The following GOLPH3L variants were observed in gnomAD, a reference collection of about 807,000 sequenced individuals.
GOLPH3L encodes the protein Golgi phosphoprotein 3-like.
A neutral mutation model predicts 30.3 loss-of-function variants in GOLPH3L; 22 were observed. The observed-to-expected ratio is 0.73, with a 90% confidence interval of 0.52 to 1.04. The LOEUF (loss-of-function observed/expected upper bound fraction) is 1.04, where lower values mean the gene tolerates loss of function less well. GOLPH3L is among the 50% of genes least tolerant of loss of function. The pLI is 0.00. For missense variants in GOLPH3L, 303 were observed against 345.8 expected (o/e 0.88, Z 0.98); for synonymous variants, 120 against 128.2 (o/e 0.94, Z 0.43).
chr1:150,649,116 A>T (rs1650048500), intron 4 of GOLPH3L, among the ~76,000 whole-genome samples: 1 of 152,210 alleles, frequency 6.6e-6, no homozygotes, highest in Non-Finnish European at 1.5e-5. Context: ...AGCTAAGAGG[A>T]CTGAGGTTCC....
intron 4 of GOLPH3L, among the ~76,000 whole-genome samples, chr1:150,652,412 TA>T (rs1299410532): frequency 7.0e-5 from 5 of 71,290 alleles, no homozygotes; most frequent in East Asian, 4.3e-4. Flanking sequence ...AAAAAAACCC[TA>T]AAAAAAACAA....
At chr1:150,683,669 C>A (rs113184416) in intron 2 of GOLPH3L, among the ~76,000 whole-genome samples, 1 of 120,222 alleles carries the variant, frequency 8.3e-6, no homozygotes, top group African/African-American at 3.2e-5. Flanking sequence ...TGCTGCACTC[C>A]AGCTTGGGTG....
chr1:150,664,732 G>A (rs1046951511), intron 2 of GOLPH3L, among the ~76,000 whole-genome samples: 1 of 152,160 alleles, frequency 6.6e-6, no homozygotes, highest in African/African-American at 2.4e-5. Flanking sequence ...GAATACAGGA[G>A]TGAGCCACCG....
chr1:150,691,841 A>G (rs1462437144), intron 2 of GOLPH3L, among the ~76,000 whole-genome samples: 1 of 151,814 alleles, frequency 6.6e-6, no homozygotes, highest in African/African-American at 2.4e-5. Context: ...CATGTTGTAT[A>G]ACAATGTTCA....
intron 2 of GOLPH3L, among the ~76,000 whole-genome samples, chr1:150,680,440 A>G (rs1357323653): frequency 6.6e-6 from 1 of 152,196 alleles, no homozygotes; most frequent in Admixed American, 6.6e-5. Flanking sequence ...AATAGTGAAC[A>G]ATCGTATTTA....
intron 4 of GOLPH3L, among the ~76,000 whole-genome samples, chr1:150,651,397 C>T (rs920922887): frequency 1.3e-5 from 2 of 152,088 alleles, no homozygotes; most frequent in Non-Finnish European, 2.9e-5. Flanking sequence ...CGTCTGTAAT[C>T]CCAGCACTTT....
intron 4 of GOLPH3L, among the ~76,000 whole-genome samples, chr1:150,651,967 T>C (rs1353292613): frequency 2.6e-5 from 4 of 152,096 alleles, no homozygotes; most frequent in Non-Finnish European, 4.4e-5. Flanking sequence ...TTGGAGAAGT[T>C]CAACAAACTC....
At chr1:150,694,197 A>G (rs762977845) in intron 2 of GOLPH3L, 11 of 440,378 alleles carry the variant, frequency 2.5e-5, no homozygotes, top group South Asian at 1.8e-4. Context: ...ACAGAGGAAA[A>G]TAAAAAATTA....
chr1:150,673,392 T>G (rs769269365), intron 2 of GOLPH3L, among the ~76,000 whole-genome samples: 5 of 151,782 alleles, frequency 3.3e-5, no homozygotes, highest in Non-Finnish European at 7.4e-5. Context: ...TGAAACCCTG[T>G]CTCTACTAAA....
chr1:150,649,906 A>C (rs920559364), intron 4 of GOLPH3L, among the ~76,000 whole-genome samples: 2 of 152,040 alleles, frequency 1.3e-5, no homozygotes, highest in African/African-American at 4.8e-5. Context: ...TTAGGCAGGA[A>C]AACCCAGGAG....
chr1:150,667,552 A>C (rs1261022777), intron 2 of GOLPH3L, among the ~76,000 whole-genome samples: 1 of 151,954 alleles, frequency 6.6e-6, no homozygotes, highest in Non-Finnish European at 1.5e-5. Flanking sequence ...AAACAAAACA[A>C]AACAAAAGTG....
intron 2 of GOLPH3L, among the ~76,000 whole-genome samples, chr1:150,677,628 CTTTT>C (rs766263859): frequency 7.4e-6 from 1 of 135,574 alleles, no homozygotes; most frequent in Non-Finnish European, 1.6e-5. Flanking sequence ...TCAAACATTT[CTTTT>C]TTTTTTTTTT....
At chr1:150,677,625 T>A (rs1200672607) in intron 2 of GOLPH3L, among the ~76,000 whole-genome samples, 1 of 151,496 alleles carries the variant, frequency 6.6e-6, no homozygotes, top group Non-Finnish European at 1.5e-5. Context: ...ACTTCAAACA[T>A]TTCTTTTTTT....
chr1:150,664,687 C>T (rs982393818), intron 2 of GOLPH3L, among the ~76,000 whole-genome samples: 5 of 152,074 alleles, frequency 3.3e-5, no homozygotes, highest in Non-Finnish European at 5.9e-5. Flanking sequence ...CTCCTGACCT[C>T]GTCATCCACC....
intron 2 of GOLPH3L, among the ~76,000 whole-genome samples, chr1:150,692,700 A>T (rs2101822729): frequency 6.6e-6 from 1 of 152,298 alleles, no homozygotes. Flanking sequence ...CCATCTGCTT[A>T]TTTTGTACAG....
At chr1:150,658,289 TC>T (rs1364606308) in intron 4 of GOLPH3L, among the ~76,000 whole-genome samples, 1 of 152,190 alleles carries the variant, frequency 6.6e-6, no homozygotes, top group Non-Finnish European at 1.5e-5. Flanking sequence ...GGACAACCAG[TC>T]GCAATGAGTA....
chr1:150,693,903 A>G (rs11799727), intron 2 of GOLPH3L, among the ~76,000 whole-genome samples: 1,636 of 113,440 alleles, frequency 0.014, 32 homozygotes, highest in African/African-American at 0.054. Context: ...TCTGTCATCC[A>G]GGCTGGAGTG....
intron 4 of GOLPH3L, among the ~76,000 whole-genome samples, chr1:150,654,503 C>T (rs939133050): frequency 1.3e-5 from 2 of 148,170 alleles, no homozygotes; most frequent in African/African-American, 5.1e-5. Flanking sequence ...CAAGACATTC[C>T]GTTTAAAAAA....
intron 4 of GOLPH3L, among the ~76,000 whole-genome samples, chr1:150,651,843 A>C (rs1650112014): frequency 6.6e-6 from 1 of 152,066 alleles, no homozygotes; most frequent in Non-Finnish European, 1.5e-5. Flanking sequence ...CAACTTGATG[A>C]ACATACATAA....
Sources: allele counts gnomAD v4.1 joint callset (sites outside exome capture counted in the v4.1 genomes callset), GRCh38; gene constraint gnomAD v4.1.1; transcripts MANE v1.5; gene names NCBI Gene and HGNC (gene_info 2026-07-23, HGNC 2026-07-21).